Variants in DPP10 observed in about 807,000 individuals in gnomAD.
DPP10 encodes the protein inactive dipeptidyl peptidase 10.
A neutral mutation model predicts 120.9 loss-of-function variants in DPP10; 33 were observed. The observed-to-expected ratio is 0.27, with a 90% confidence interval of 0.21 to 0.37. The LOEUF is 0.37. Among genes scored for constraint, DPP10 ranks in the 10% least tolerant of loss-of-function variants. DPP10 has a pLI of 1.00. For missense variants in DPP10, 816 were observed against 942.8 expected, an observed-to-expected ratio of 0.87 and a Z score of 1.76; for synonymous variants, 337 against 326.1, an observed-to-expected ratio of 1.03 and a Z score of -0.36.
At chr2:115,474,013 G>A (rs1433273164) in intron 3 of DPP10, among the ~76,000 whole-genome samples, 1 of 152,084 alleles carries the variant, frequency 6.6e-6, no homozygotes, top group Non-Finnish European at 1.5e-5. Flanking sequence ...GAAGTAGAGT[G>A]GAAATTGATG....
chr2:115,544,873 T>C (rs549998267), intron 5 of DPP10, among the ~76,000 whole-genome samples: 2 of 152,194 alleles, frequency 1.3e-5, no homozygotes, highest in African/African-American at 4.8e-5. Flanking sequence ...TTTATTTTGG[T>C]TCGTATTTTC....
chr2:115,238,011 A>G (rs2058084495), intron 1 of DPP10, among the ~76,000 whole-genome samples: 1 of 152,214 alleles, frequency 6.6e-6, no homozygotes, highest in Non-Finnish European at 1.5e-5. Flanking sequence ...AGTTGGCCAC[A>G]CTAGACAACA....
intron 3 of DPP10, among the ~76,000 whole-genome samples, chr2:115,436,819 G>A (rs1037473017): frequency 3.3e-5 from 5 of 151,690 alleles, no homozygotes; most frequent in African/African-American, 9.7e-5. Context: ...TGTATTTTGA[G>A]GTAGAAATTG....
chr2:115,492,805 T>TA (rs1019806230), intron 3 of DPP10, among the ~76,000 whole-genome samples: 25 of 151,976 alleles, frequency 1.6e-4, no homozygotes, highest in African/African-American at 6.0e-4. Flanking sequence ...CAAAATGGAA[T>TA]AAAAAAACTC....
intron 3 of DPP10, among the ~76,000 whole-genome samples, chr2:115,417,013 G>A (rs930925738): frequency 5.3e-5 from 8 of 152,078 alleles, no homozygotes; most frequent in African/African-American, 1.4e-4. Flanking sequence ...TCAGAGATGT[G>A]TTCTGTAACT....
intron 1 of DPP10, among the ~76,000 whole-genome samples, chr2:114,879,699 A>G (rs994345880): frequency 2.6e-5 from 4 of 152,006 alleles, no homozygotes; most frequent in Non-Finnish European, 4.4e-5. Context: ...GAAAATTGAA[A>G]GAAAAAAAAC....
intron 1 of DPP10, among the ~76,000 whole-genome samples, chr2:114,748,200 T>C (rs1456897902): frequency 6.6e-6 from 1 of 151,922 alleles, no homozygotes; most frequent in Admixed American, 6.6e-5. Context: ...TTTTTGTTTT[T>C]TTGTTTTACC....
At chr2:115,834,879 G>A (rs533526850) in intron 21 of DPP10, among the ~76,000 whole-genome samples, 228 of 152,230 alleles carry the variant, frequency 1.5e-3, no homozygotes, top group African/African-American at 5.3e-3. Context: ...GAGGTCAGGA[G>A]ATCGAGACCA....
At chr2:115,404,447 A>G (rs569310259) in intron 3 of DPP10, among the ~76,000 whole-genome samples, 1 of 152,244 alleles carries the variant, frequency 6.6e-6, no homozygotes, top group African/African-American at 2.4e-5. Context: ...CATCCAAACT[A>G]TATCAACTTA....
intron 1 of DPP10, among the ~76,000 whole-genome samples, chr2:115,211,823 G>A (rs2056534117): frequency 6.6e-6 from 1 of 152,156 alleles, no homozygotes; most frequent in Admixed American, 6.6e-5. Context: ...TTAGAGATGT[G>A]TGCGTGTGTG....
At chr2:114,563,029 A>G (rs1688891543) in intron 1 of DPP10, among the ~76,000 whole-genome samples, 1 of 152,230 alleles carries the variant, frequency 6.6e-6, no homozygotes, top group Admixed American at 6.5e-5. Context: ...GTGCTAAATC[A>G]CAATTAATAT....
chr2:114,654,138 C>A (rs1239429794), intron 1 of DPP10, among the ~76,000 whole-genome samples: 1 of 152,154 alleles, frequency 6.6e-6, no homozygotes, highest in Non-Finnish European at 1.5e-5. Context: ...CCCCTACTGT[C>A]CTACTGCTAT....
intron 5 of DPP10, among the ~76,000 whole-genome samples, chr2:115,686,391 A>G (rs947096650): frequency 7.9e-5 from 12 of 152,198 alleles, no homozygotes; most frequent in Non-Finnish European, 1.8e-4. Context: ...ACAGAAACAA[A>G]TATGAAGTAG....
At chr2:114,999,288 G>C (rs1701288073) in intron 1 of DPP10, among the ~76,000 whole-genome samples, 2 of 151,938 alleles carry the variant, frequency 1.3e-5, no homozygotes, top group African/African-American at 4.8e-5. Context: ...AAAGAGAGAG[G>C]TTTCATCAAT....
intron 1 of DPP10, among the ~76,000 whole-genome samples, chr2:115,236,555 C>G (rs532453940): frequency 4.6e-5 from 7 of 152,168 alleles, no homozygotes; most frequent in Non-Finnish European, 7.4e-5. Context: ...TAACTGATCA[C>G]GGCATCTTTA....
At chr2:114,936,445 G>GTATA (rs1558897449) in intron 1 of DPP10, among the ~76,000 whole-genome samples, 1 of 149,624 alleles carries the variant, frequency 6.7e-6, no homozygotes, top group Non-Finnish European at 1.5e-5. Flanking sequence ...ACATATATAC[G>GTATA]CACATATATA....
chr2:115,681,774 C>G (rs1396648334), intron 5 of DPP10, among the ~76,000 whole-genome samples: 1 of 125,478 alleles, frequency 8.0e-6, no homozygotes, highest in South Asian at 2.8e-4. Flanking sequence ...CTCCTTCTCT[C>G]TCTTTCTTTC....
At chr2:115,655,517 A>T (rs1575449574) in intron 5 of DPP10, among the ~76,000 whole-genome samples, 1 of 151,766 alleles carries the variant, frequency 6.6e-6, no homozygotes, top group East Asian at 1.9e-4. Flanking sequence ...CATCAATTGT[A>T]TTTATTTACA....
At chr2:115,455,540 G>A (rs958566522) in intron 3 of DPP10, among the ~76,000 whole-genome samples, 1 of 152,042 alleles carries the variant, frequency 6.6e-6, no homozygotes, top group Non-Finnish European at 1.5e-5. Context: ...CAAAGCTGGA[G>A]GCATCATGCT....
Sources: allele counts gnomAD v4.1 joint callset (sites outside exome capture counted in the v4.1 genomes callset), GRCh38; gene constraint gnomAD v4.1.1; transcripts MANE v1.5; gene names NCBI Gene and HGNC (gene_info 2026-07-23, HGNC 2026-07-21).